Variants in EML3 observed in about 807,000 individuals in gnomAD.
EML3 encodes the protein echinoderm microtubule-associated protein-like 3.
Under a neutral mutation model 106.7 loss-of-function variants are expected in EML3, and 53 were observed. That is an observed-to-expected ratio of 0.50 (90% CI 0.40 to 0.62). The LOEUF (loss-of-function observed/expected upper bound fraction) is 0.62, where lower values mean the gene tolerates loss of function less well. EML3 is among the 20% of genes least tolerant of loss of function. The probability of loss-of-function intolerance (pLI) is 0.00; values close to 1 mark genes in which losing one functional copy is unlikely to be tolerated. For missense variants in EML3, 994 were observed against 1,209.1 expected (o/e 0.82, Z 2.64); for synonymous variants, 499 against 489.6 (o/e 1.02, Z -0.25).
At chr11:62,606,359 C>T in intron 12 of EML3, 145 bp from the exon 13 acceptor site, 1 of 936,144 alleles carries the variant, frequency 1.1e-6, no homozygotes, top group South Asian at 1.8e-5. Flanking sequence ...GCCAACACAT[C>T]TGTTATTCTC....
At chr11:62,606,250 G>A (rs745505538) in intron 12 of EML3, 36 bp from the exon 13 acceptor site, 2 of 1,601,034 alleles carry the variant, frequency 1.2e-6, no homozygotes, top group East Asian at 4.5e-5. Flanking sequence ...ATGTTTTGGG[G>A]GTGCAGGGGA....
At position 62,611,245 on chromosome 11, in the gene EML3, T is replaced by C. The variant is rs771939345; in HGVS notation, c.294A>G (p.Gly98=). The change falls in exon 3 of 22, where the codon GGA becomes GGG. Residue 98 remains glycine, a synonymous_variant. Transcript: ENST00000394773. ...GGGGTCCATTGCTCAGGCCAGGGGG[T>C]CCAGGGGATGACTTGAGCTCCACCT... is the stretch of plus-strand genomic sequence containing the variant. ...ETEVELKSSP[G]PPGLSNGPPA... 7 of 1,611,866 alleles carry C rather than the reference T, an allele frequency of 4.3e-6. No individual in the cohort carries two copies. Among genetic ancestry groups the C allele is most frequent in the Middle Eastern group, 1.6e-4 (1 of 6,068 alleles).
chr11:62,608,783 C>T lies in EML3; in HGVS notation c.952G>A (p.Val318Ile). 1 of 1,584,192 alleles carries T rather than the reference C, an allele frequency of 6.3e-7. No individual in the cohort carries two copies. Among genetic ancestry groups the T allele is most frequent in the Non-Finnish European group, 8.6e-7 (1 of 1,163,396 alleles). The part of the protein sequence containing the change: ...VRCLAVHPDG[V>I]RVASGQTAGV... ...GCTGTCTGTCCCGAGGCTACCCGAA[C>T]ACCATCAGGGTGAACAGCAAGGCTA... Residue 318 changes from valine to isoleucine, a missense_variant, in exon 8 of 22, where the codon GTT (valine) becomes ATT (isoleucine). Physicochemically the swap from Val to Ile is conservative, Grantham distance 29. Coordinates refer to ENST00000394773, the MANE Select transcript of EML3 (RefSeq NM_153265.3).
At position 62,611,455 on chromosome 11, in the gene EML3, C is replaced by A. The variant is rs753847249; in HGVS notation, c.164G>T (p.Gly55Val). The change falls in exon 2 of 22, where the codon GGC becomes GTC. Residue 55 changes from glycine to valine, a missense_variant. By Grantham distance (109) the Gly-to-Val change is moderately radical. Transcript: ENST00000394773. ...CCCCGGAGGAGCTGGTGTGCCAGAGCCCTGCAGGGAGGAAGGGGGCACCTG... is the reference window on the plus strand; with the variant it reads ...CCCCGGAGGAGCTGGTGTGCCAGAGACCTGCAGGGAGGAAGGGGGCACCTG... ...RLQVPPSSLQGSGTPAPPGDS... is the reference protein window; with the variant it reads ...RLQVPPSSLQVSGTPAPPGDS... 6.2e-7 allele frequency: 1 copy of A among 1,613,838 alleles called. No homozygotes were observed. Among genetic ancestry groups the A allele is most frequent in the Non-Finnish European group, 8.5e-7 (1 of 1,179,920 alleles).
chr11:62,609,301 G>C (rs1396194390), intron 6 of EML3, 53 bp downstream of exon 6: 2 of 1,538,162 alleles, frequency 1.3e-6, no homozygotes, highest in African/African-American at 2.8e-5. Flanking sequence ...AAAGGTAAGA[G>C]GGGTCCCAAG....
chr11:62,608,383 G>A, intron 9 of EML3, 87 bp from the exon 10 acceptor site: 3 of 1,410,452 alleles, frequency 2.1e-6, no homozygotes, highest in Admixed American at 1.7e-5. Flanking sequence ...TACCATCACA[G>A]ATGGAGAGGG....
At chr11:62,603,346 G>T in intron 19 of EML3, 99 bp from the exon 20 acceptor site, 1 of 1,111,036 alleles carries the variant, frequency 9.0e-7, no homozygotes, top group Non-Finnish European at 1.3e-6. Context: ...GAAACCCGGC[G>T]ATGGCATGTG....
chr11:62,605,883 A>G lies in EML3; in HGVS notation c.1754T>C (p.Leu585Pro), dbSNP rs993063429. 2 of 1,614,054 alleles carry G rather than the reference A, an allele frequency of 1.2e-6. No homozygotes were observed. Among genetic ancestry groups the G allele is most frequent in the Admixed American group, 3.3e-5 (2 of 60,004 alleles). The change falls in exon 14 of 22, where the codon CTG (leucine) becomes CCG (proline). Residue 585 changes from leucine to proline, a missense_variant. Leu to Pro is a moderately conservative substitution (Grantham distance 98). Coordinates refer to ENST00000394773, the MANE Select transcript of EML3 (RefSeq NM_153265.3). This position sits in a 1 kb window ranked among gnomAD's most constrained non-coding sequence, Gnocchi z 5.2. ...TTKNALLRGDLAQGFSPVIQG... is the reference protein window; with the variant it reads ...TTKNALLRGDPAQGFSPVIQG... ...GATTACAGGGGAGAAGCCCTGGGCC[A>G]GGTCTCCCCTCAGCAATGCATTCTT... is the stretch of plus-strand genomic sequence containing the variant.
chr11:62,607,640 T>A lies in EML3; in HGVS notation c.1362+26A>T, dbSNP rs770094378. ...TTCCTCTTCCACTCTGCCCTCCCCA[T>A]CACCTTCCACTTATCCATGCCTCAC... On this transcript the variant is annotated intron_variant, in intron 11 of 21. Transcript: ENST00000394773. The A allele has an allele frequency of 2.6e-5, 42 of 1,601,878 alleles. No homozygotes were observed. The South Asian group carries it at 4.6e-4, about 17-fold the overall frequency.
At chr11:62,607,868 T>C in intron 10 of EML3, 47 bp from the exon 11 acceptor site, 1 of 1,588,982 alleles carries the variant, frequency 6.3e-7, no homozygotes, top group South Asian at 1.1e-5. Context: ...CTGGGTACCT[T>C]CATTCTACTT....
rs1459379786 is a variant in EML3, at chr11:62,609,151, T to G, written c.759-19A>C. Reference sequence around the variant, plus strand: ...CCCATAACTGGGGTGGAGATCACGGTCAAGGAAAGGGTTAGATCAAGGGCA... The same window carrying G: ...CCCATAACTGGGGTGGAGATCACGGGCAAGGAAAGGGTTAGATCAAGGGCA... On this transcript the variant is annotated intron_variant, in intron 6 of 21. Coordinates refer to ENST00000394773, the MANE Select transcript of EML3 (RefSeq NM_153265.3). 1 of 1,612,498 alleles carries G rather than the reference T, an allele frequency of 6.2e-7. No individual in the cohort carries two copies.
In EML3 at chr11:62,607,709, A is replaced by G. The variant is rs1233216419; in HGVS notation, c.1319T>C (p.Val440Ala). ...HFWNWSGGVG[V>A]PGNGTLTRKQ... is the part of the protein sequence containing the mutation. ...CCGGGTAAGGGTCCCATTCCCAGGA[A>G]CCCCTACTCCACCACTCCAATTCCA... Residue 440 changes from valine (V) to alanine (A), a missense_variant, in exon 11 of 22, where the codon GTT (valine) becomes GCT (alanine). Coordinates refer to ENST00000394773, the MANE Select transcript of EML3 (RefSeq NM_153265.3). The G allele has an allele frequency of 6.2e-7, 1 of 1,613,546 alleles. No individual in the cohort carries two copies. Among genetic ancestry groups the G allele is most frequent in the African/African-American group, 1.3e-5 (1 of 74,724 alleles).
At position 62,611,244 on chromosome 11, in the gene EML3, G is replaced by C. The variant is rs1242270628; in HGVS notation, c.295C>G (p.Pro99Ala). 6.2e-7 allele frequency: 1 copy of C among 1,612,464 alleles called. No individual in the cohort carries two copies. The highest frequency in any genetic ancestry group is 8.5e-7 in the Non-Finnish European group (1 of 1,179,896). The part of the protein sequence containing the change: ...TEVELKSSPG[P>A]PGLSNGPPAP... ...GGGGGTCCATTGCTCAGGCCAGGGG[G>C]TCCAGGGGATGACTTGAGCTCCACC... Residue 99 changes from proline (P) to alanine (A), a missense_variant, in exon 3 of 22, where the codon CCC (proline) becomes GCC (alanine). Transcript: ENST00000394773.
chr11:62,606,875 G>C, intron 12 of EML3, 83 bp downstream of exon 12: 1 of 722,930 alleles, frequency 1.4e-6, no homozygotes, highest in Non-Finnish European at 2.0e-6. Context: ...AAAAAAAAAA[G>C]ATGGGAATGG....
Position 62,611,448 on chromosome 11 carries a change from GCCAGAGC to G in EML3, c.164_170del (p.Gly55AlafsTer25), listed in dbSNP as rs1420643293. The G allele has an allele frequency of 6.2e-7, 1 of 1,613,842 alleles. No individual in the cohort carries two copies. The highest frequency in any genetic ancestry group is 1.1e-5 in the South Asian group (1 of 91,088). ...ACCTGTCCCCCGGAGGAGCTGGTGT[GCCAGAGC>G]CCTGCAGGGAGGAAGGGGGCACCTG... On this transcript the variant is annotated frameshift_variant, in exon 2 of 22. Transcript: ENST00000394773. LOFTEE classifies it high-confidence loss of function.
At chr11:62,607,293 T>A (rs1330721810) in intron 11 of EML3, 194 bp from the exon 12 acceptor site, 1 of 576,484 alleles carries the variant, frequency 1.7e-6, no homozygotes, top group East Asian at 3.1e-5. Context: ...CACTCCAGCC[T>A]GGGTGATAGA....
chr11:62,604,651 A>G (rs973565406), intron 16 of EML3: 5 of 217,646 alleles, frequency 2.3e-5, no homozygotes, highest in Non-Finnish European at 4.7e-5. Context: ...CGCTAGGATT[A>G]CAGGCGTGAG....
chr11:62,607,958 G>T, intron 10 of EML3, 137 bp from the exon 11 acceptor site: 1 of 1,025,154 alleles, frequency 9.8e-7, no homozygotes, highest in Non-Finnish European at 1.4e-6. Flanking sequence ...CAAAACCCTG[G>T]TCCCCTAAGA....
chr11:62,606,242 G>C (rs1429528362), intron 12 of EML3, 28 bp from the exon 13 acceptor site: 1 of 1,607,872 alleles, frequency 6.2e-7, no homozygotes, highest in African/African-American at 1.3e-5. Flanking sequence ...GGTAGATCAT[G>C]TTTTGGGGGT....
Sources: allele counts gnomAD v4.1 joint callset, GRCh38; gene constraint gnomAD v4.1.1; non-coding constraint Gnocchi (gnomAD v3.1); transcripts MANE v1.5; gene names NCBI Gene and HGNC (gene_info 2026-07-23, HGNC 2026-07-21).